The following COL5A2 variants were observed in gnomAD, a reference collection of about 807,000 sequenced individuals.
The protein encoded by COL5A2 is collagen alpha-2(V) chain.
Under a neutral mutation model 208.2 loss-of-function variants are expected in COL5A2, and 23 were observed. The observed-to-expected ratio is 0.11, with a 90% confidence interval of 0.08 to 0.16. The LOEUF (loss-of-function observed/expected upper bound fraction) is 0.16, where lower values mean the gene tolerates loss of function less well. COL5A2 is among the 10% of genes least tolerant of loss of function. The pLI is 1.00. For missense variants in COL5A2, 1,590 were observed against 1,956.4 expected, an observed-to-expected ratio of 0.81 and a Z score of 3.53; for synonymous variants, 625 against 628.5, an observed-to-expected ratio of 0.99 and a Z score of 0.08.
the COL5A2 span, among the ~76,000 whole-genome samples, chr2:189,340,438 T>C: frequency 1.3e-5 from 2 of 152,226 alleles, no homozygotes; most frequent in African/African-American, 4.8e-5. Context: ...GGTTACAGTA[T>C]TGTTTACAAC....
At chr2:189,410,081 A>G in the COL5A2 span, among the ~76,000 whole-genome samples, 1 of 152,204 alleles carries the variant, frequency 6.6e-6, no homozygotes, top group Admixed American at 6.6e-5. Context: ...TTATAAGATA[A>G]GTTATGAAAA....
the COL5A2 span, among the ~76,000 whole-genome samples, chr2:189,398,496 C>G: frequency 6.6e-6 from 1 of 152,022 alleles, no homozygotes; most frequent in Admixed American, 6.6e-5. Context: ...AAGATTGAAA[C>G]TTTTACCATT....
the COL5A2 span, among the ~76,000 whole-genome samples, chr2:189,331,437 T>G: frequency 6.6e-6 from 1 of 152,078 alleles, no homozygotes; most frequent in African/African-American, 2.4e-5. Context: ...CATTCACATG[T>G]GTTGAGGGAG....
chr2:189,376,062 G>T, the COL5A2 span, among the ~76,000 whole-genome samples: 1 of 152,292 alleles, frequency 6.6e-6, no homozygotes, highest in African/African-American at 2.4e-5. Flanking sequence ...CACTGTCTTT[G>T]TGGCCTCAGG....
At chr2:189,075,926 G>C (rs1339745854) in intron 16 of COL5A2, among the ~76,000 whole-genome samples, 1 of 152,118 alleles carries the variant, frequency 6.6e-6, no homozygotes, top group Non-Finnish European at 1.5e-5. Context: ...GCTCACTATT[G>C]ATACATTCCC....
intron 49 of COL5A2, 128 bp downstream of exon 49, chr2:189,042,592 G>T: frequency 1.2e-6 from 1 of 828,418 alleles, no homozygotes; most frequent in Non-Finnish European, 2.0e-6. Context: ...TCATATGTGT[G>T]TTGCCAACCT....
At chr2:189,151,318 T>C (rs1379255600) in intron 1 of COL5A2, among the ~76,000 whole-genome samples, 1 of 152,180 alleles carries the variant, frequency 6.6e-6, no homozygotes, top group Non-Finnish European at 1.5e-5. Flanking sequence ...AATGGTGTTA[T>C]AGTAGGTCTT....
At chr2:189,116,041 G>A (rs1012341207) in intron 1 of COL5A2, among the ~76,000 whole-genome samples, 4 of 152,176 alleles carry the variant, frequency 2.6e-5, no homozygotes, top group Admixed American at 6.5e-5. Flanking sequence ...CCTTCAGAAA[G>A]CTACAGCAAC....
chr2:189,079,925 A>G, intron 14 of COL5A2, 53 bp downstream of exon 14: 1 of 1,457,528 alleles, frequency 6.9e-7, no homozygotes, highest in Non-Finnish European at 9.6e-7. Context: ...TAAACATTTG[A>G]AGCAAAACTA....
chr2:189,415,530 A>C, the COL5A2 span, among the ~76,000 whole-genome samples: 3 of 151,974 alleles, frequency 2.0e-5, no homozygotes, highest in African/African-American at 7.3e-5. Flanking sequence ...ACATTTTTCT[A>C]CTTGGTCAGT....
the COL5A2 span, among the ~76,000 whole-genome samples, chr2:189,386,979 A>G: frequency 2.6e-4 from 39 of 152,270 alleles, 1 homozygote; most frequent in African/African-American, 9.4e-4. Flanking sequence ...TACCCAAAGG[A>G]ATACAGATCA....
At chr2:189,168,076 T>C (rs1688502321) in intron 1 of COL5A2, among the ~76,000 whole-genome samples, 1 of 151,868 alleles carries the variant, frequency 6.6e-6, no homozygotes, top group Non-Finnish European at 1.5e-5. Flanking sequence ...TAGCTGGGAC[T>C]ACAGGCGCCC....
chr2:189,127,093 T>C (rs1687620727), intron 1 of COL5A2, among the ~76,000 whole-genome samples: 2 of 152,184 alleles, frequency 1.3e-5, no homozygotes, highest in South Asian at 4.1e-4. Context: ...GGATACCTTT[T>C]CTTGTGGAAG....
chr2:189,431,638 G>C, the COL5A2 span, among the ~76,000 whole-genome samples: 1 of 151,996 alleles, frequency 6.6e-6, no homozygotes, highest in East Asian at 1.9e-4. Flanking sequence ...AGAAGACAAG[G>C]TTAGAGAAAA....
intron 1 of COL5A2, among the ~76,000 whole-genome samples, chr2:189,121,865 T>C (rs1033736153): frequency 1.3e-5 from 2 of 152,064 alleles, no homozygotes; most frequent in Non-Finnish European, 2.9e-5. Flanking sequence ...GTATAATGTC[T>C]AGTTTGAAAG....
chr2:189,326,931 C>T, the COL5A2 span, among the ~76,000 whole-genome samples: 249 of 151,640 alleles, frequency 1.6e-3, 1 homozygote, highest in African/African-American at 5.6e-3. Context: ...ATTAGCTGGA[C>T]GTGATGGCAC....
At chr2:189,246,718 G>C in the COL5A2 span, among the ~76,000 whole-genome samples, 3 of 152,208 alleles carry the variant, frequency 2.0e-5, no homozygotes, top group Admixed American at 2.0e-4. Context: ...CAAATAATGG[G>C]CATACAGAGA....
chr2:189,368,335 C>G, the COL5A2 span, among the ~76,000 whole-genome samples: 1 of 152,224 alleles, frequency 6.6e-6, no homozygotes, highest in African/African-American at 2.4e-5. Flanking sequence ...TTAATAAAAA[C>G]CATCCACATC....
the COL5A2 span, among the ~76,000 whole-genome samples, chr2:189,327,551 C>T: frequency 3.3e-5 from 5 of 152,094 alleles, no homozygotes; most frequent in East Asian, 5.8e-4. Flanking sequence ...GAGATATGTG[C>T]GAAATCAATG....
Sources: allele counts gnomAD v4.1 joint callset (sites outside exome capture counted in the v4.1 genomes callset), GRCh38; gene constraint gnomAD v4.1.1; transcripts MANE v1.5; gene names NCBI Gene and HGNC (gene_info 2026-07-23, HGNC 2026-07-21).